USH2A: variants seen among roughly 807,000 people sequenced by gnomAD.
The protein encoded by USH2A is usherin.
USH2A carries 443 observed loss-of-function variants against 538.9 expected under a neutral mutation model. The observed-to-expected ratio is 0.82, with a 90% CI of 0.76 to 0.89. The LOEUF is 0.89. USH2A is among the 40% of genes least tolerant of loss of function. The pLI is 0.00. For synonymous variants in USH2A, 2,413 were observed against 2,273.5 expected, an observed-to-expected ratio of 1.06 and a Z score of -1.75; for missense variants, 6,633 against 6,324.8, an observed-to-expected ratio of 1.05 and a Z score of -1.65.
intron 32 of USH2A, among the ~76,000 whole-genome samples, chr1:216,033,915 T>C (rs551727296): frequency 6.6e-6 from 1 of 152,226 alleles, no homozygotes; most frequent in East Asian, 1.9e-4. Context: ...GGGTTTTTGT[T>C]TGGGAAAAAG....
chr1:216,094,607 T>G (rs1052211679), intron 22 of USH2A, among the ~76,000 whole-genome samples: 1 of 152,232 alleles, frequency 6.6e-6, no homozygotes, highest in African/African-American at 2.4e-5. Flanking sequence ...CACTGATGCT[T>G]CTTCTTTTTA....
chr1:216,032,527 C>G lies in USH2A; in HGVS notation c.6325+13904G>C, dbSNP rs532647603. On this transcript the variant is annotated intron_variant, in intron 32 of 71. Coordinates refer to ENST00000307340, the MANE Select transcript of USH2A (RefSeq NM_206933.4). ...TGACACACACCTATATACAATTTTC[C>G]CCCTTTGAGTGTGGGTGGAATCTGT... 2.0e-3 allele frequency among the ~76,000 whole-genome samples: 309 copies of G among 152,226 alleles called. 2 individuals are homozygous for G. Among genetic ancestry groups the G allele is most frequent in the African/African-American group, 7.0e-3 (290 of 41,550 alleles).
chr1:215,678,000 C>T (rs985069728), intron 62 of USH2A, among the ~76,000 whole-genome samples: 2 of 152,184 alleles, frequency 1.3e-5, no homozygotes, highest in Non-Finnish European at 2.9e-5. Context: ...AAAGCGCTCC[C>T]TTTCCTTCAT....
chr1:216,183,304 C>T (rs946264741), intron 20 of USH2A, among the ~76,000 whole-genome samples: 1 of 151,760 alleles, frequency 6.6e-6, no homozygotes, highest in Non-Finnish European at 1.5e-5. Context: ...CTTATAATGC[C>T]TCCAGCGATC....
At chr1:215,864,870 A>T (rs1664430077) in intron 44 of USH2A, among the ~76,000 whole-genome samples, 1 of 152,154 alleles carries the variant, frequency 6.6e-6, no homozygotes, top group African/African-American at 2.4e-5. Flanking sequence ...ATTGATAAAA[A>T]TTTACCAGAA....
At chr1:215,910,404 T>C (rs1351517201) in intron 38 of USH2A, among the ~76,000 whole-genome samples, 2 of 152,010 alleles carry the variant, frequency 1.3e-5, no homozygotes, top group African/African-American at 2.4e-5. Context: ...TGCTACTTAC[T>C]GAGCAAGTAC....
intron 37 of USH2A, among the ~76,000 whole-genome samples, chr1:215,962,286 C>G (rs770648237): frequency 6.6e-6 from 1 of 151,956 alleles, no homozygotes; most frequent in Non-Finnish European, 1.5e-5. Context: ...TTTTCCTTGA[C>G]CTGGCAATTC....
intron 4 of USH2A, among the ~76,000 whole-genome samples, chr1:216,345,793 C>T (rs2038164017): frequency 6.6e-6 from 1 of 152,092 alleles, no homozygotes; most frequent in Non-Finnish European, 1.5e-5. Context: ...GGGAGCTTGA[C>T]CTTGTGACCA....
intron 21 of USH2A, among the ~76,000 whole-genome samples, chr1:216,097,916 C>A (rs1341483113): frequency 6.6e-6 from 1 of 151,776 alleles, no homozygotes; most frequent in Non-Finnish European, 1.5e-5. Context: ...ATGTCACCCC[C>A]CTACCATTAC....
intron 27 of USH2A, among the ~76,000 whole-genome samples, chr1:216,074,349 T>TCC (rs1553298428): frequency 1.3e-5 from 2 of 148,302 alleles, no homozygotes; most frequent in Non-Finnish European, 3.0e-5. Flanking sequence ...TCTCTCTCTC[T>TCC]CCGAACAAAA....
intron 13 of USH2A, among the ~76,000 whole-genome samples, chr1:216,237,176 C>A (rs2102530492): frequency 6.6e-6 from 1 of 152,248 alleles, no homozygotes; most frequent in Admixed American, 6.5e-5. Context: ...TAGACCCCTT[C>A]AATTTACCTC....
At chr1:216,399,438 A>AG (rs1280600630) in intron 3 of USH2A, among the ~76,000 whole-genome samples, 7 of 152,122 alleles carry the variant, frequency 4.6e-5, no homozygotes, top group Non-Finnish European at 8.8e-5. Flanking sequence ...GCTAGGTGTT[A>AG]GGGCCAATCA....
At chr1:216,359,785 C>G (rs1290978273) in intron 4 of USH2A, among the ~76,000 whole-genome samples, 2 of 151,836 alleles carry the variant, frequency 1.3e-5, no homozygotes, top group Non-Finnish European at 2.9e-5. Context: ...GGTCACTAAA[C>G]ATAGGTAAAT....
chr1:216,091,288 C>A (rs1248564457), intron 22 of USH2A, among the ~76,000 whole-genome samples: 1 of 151,912 alleles, frequency 6.6e-6, no homozygotes, highest in Non-Finnish European at 1.5e-5. Context: ...CCAAGTAAGC[C>A]CAGAATATGA....
chr1:216,186,347 C>T (rs1443628850), intron 20 of USH2A, among the ~76,000 whole-genome samples: 1 of 151,870 alleles, frequency 6.6e-6, no homozygotes, highest in South Asian at 2.1e-4. Flanking sequence ...TCACCAGTGA[C>T]CTCGCATCCA....
rs532986686 is a variant in USH2A, at chr1:215,642,658, G to A, written c.14792-1924C>T. ...CACTACATTTTACTACCGTCTGTGT[G>A]CTCGAGGTCATTTACATCCACTCTA... is the stretch of plus-strand genomic sequence containing the variant. On this transcript the variant is annotated intron_variant, in intron 67 of 71. Transcript: ENST00000307340. Among the ~76,000 whole-genome samples the A allele has an allele frequency of 2.6e-5, 4 of 152,184 alleles. No individual in the cohort carries two copies. The South Asian group carries it at 6.2e-4, about 24-fold the overall frequency.
At chr1:216,336,943 G>A (rs2037985800) in intron 4 of USH2A, among the ~76,000 whole-genome samples, 1 of 151,338 alleles carries the variant, frequency 6.6e-6, no homozygotes, top group African/African-American at 2.4e-5. Flanking sequence ...ATTTCTTTAG[G>A]AAAGACCCTG....
At chr1:215,974,451 T>C (rs1409959106) in intron 35 of USH2A, among the ~76,000 whole-genome samples, 6 of 152,168 alleles carry the variant, frequency 3.9e-5, no homozygotes, top group African/African-American at 1.4e-4. Context: ...ATCACCCAGA[T>C]AGTGAGCATA....
At chr1:216,077,271 C>G (rs1183156133) in intron 27 of USH2A, among the ~76,000 whole-genome samples, 1 of 152,020 alleles carries the variant, frequency 6.6e-6, no homozygotes, top group Non-Finnish European at 1.5e-5. Context: ...TAACTTCTCA[C>G]CTAAATTGTA....
Sources: allele counts gnomAD v4.1 joint callset (sites outside exome capture counted in the v4.1 genomes callset), GRCh38; gene constraint gnomAD v4.1.1; transcripts MANE v1.5; gene names NCBI Gene and HGNC (gene_info 2026-07-23, HGNC 2026-07-21).